SYN2: variants seen among roughly 807,000 people sequenced by gnomAD.
SYN2 encodes the protein synapsin II, also known as synapsin-2.
Under a neutral mutation model 50.9 loss-of-function variants are expected in SYN2, and 19 were observed. The observed-to-expected ratio is 0.37, with a 90% CI of 0.26 to 0.55. The LOEUF (loss-of-function observed/expected upper bound fraction) is 0.55, where lower values mean the gene tolerates loss of function less well. Among genes scored for constraint, SYN2 ranks in the 20% least tolerant of loss-of-function variants. The probability of loss-of-function intolerance (pLI) is 0.81; values close to 1 mark genes in which losing one functional copy is unlikely to be tolerated. For synonymous variants in SYN2, 255 were observed against 224.9 expected (o/e 1.13, Z -1.20); for missense variants, 587 against 576.4 (o/e 1.02, Z -0.19).
intron 1 of SYN2, among the ~76,000 whole-genome samples, chr3:12,119,832 T>C (rs1021135929): frequency 2.0e-5 from 3 of 152,184 alleles, no homozygotes; most frequent in Middle Eastern, 3.2e-3. Flanking sequence ...TTGCTGTCTC[T>C]ATCTGGACCT....
intron 1 of SYN2, among the ~76,000 whole-genome samples, chr3:12,069,205 A>G (rs1177298823): frequency 6.7e-6 from 1 of 150,374 alleles, no homozygotes; most frequent in Non-Finnish European, 1.5e-5. Flanking sequence ...GGCCGTATGA[A>G]TAACGCTGCC....
At chr3:12,146,981 C>G (rs1164885616) in intron 4 of SYN2, among the ~76,000 whole-genome samples, 1 of 152,142 alleles carries the variant, frequency 6.6e-6, no homozygotes, top group Non-Finnish European at 1.5e-5. Flanking sequence ...AGTGAGGCCC[C>G]CTTCCCCCAG....
At chr3:12,139,092 A>AG (rs1696960901) in intron 1 of SYN2, among the ~76,000 whole-genome samples, 1 of 152,076 alleles carries the variant, frequency 6.6e-6, no homozygotes, top group South Asian at 2.1e-4. Flanking sequence ...ATTGGGGCAG[A>AG]GGTGGGGGGT....
At chr3:12,153,182 CT>C (rs1209646018) in intron 5 of SYN2, 1 of 398,778 alleles carries the variant, frequency 2.5e-6, no homozygotes, top group African/African-American at 2.0e-5. Flanking sequence ...CATTTCTCCC[CT>C]ACCAGATCGA....
intron 11 of SYN2, chr3:12,183,635 C>G: frequency 7.0e-7 from 1 of 1,423,962 alleles, no homozygotes; most frequent in South Asian, 1.5e-5. Flanking sequence ...GCTTGTAATG[C>G]TCACTTATGT....
chr3:12,088,436 G>C (rs769122599), intron 1 of SYN2, among the ~76,000 whole-genome samples: 8 of 152,096 alleles, frequency 5.3e-5, no homozygotes, highest in Non-Finnish European at 1.0e-4. Flanking sequence ...TGAAGAAAAA[G>C]GGTGCACTAT....
chr3:12,138,616 G>A (rs1696949869), intron 1 of SYN2, among the ~76,000 whole-genome samples: 3 of 152,176 alleles, frequency 2.0e-5, no homozygotes, highest in African/African-American at 4.8e-5. Context: ...TCAGCCAAAT[G>A]GACCACATTA....
At chr3:12,099,342 T>C (rs977258308) in intron 1 of SYN2, among the ~76,000 whole-genome samples, 4 of 152,132 alleles carry the variant, frequency 2.6e-5, no homozygotes, top group South Asian at 2.1e-4. Context: ...TTTTAAAGGA[T>C]TGAAATCATA....
At chr3:12,082,744 A>T (rs769241238) in intron 1 of SYN2, among the ~76,000 whole-genome samples, 97 of 152,070 alleles carry the variant, frequency 6.4e-4, no homozygotes, top group African/African-American at 1.6e-3. Flanking sequence ...CTTTTTTTAA[A>T]AACTGTGTTA....
intron 5 of SYN2, chr3:12,158,580 A>G: frequency 1.4e-6 from 2 of 1,447,692 alleles, no homozygotes; most frequent in Non-Finnish European, 1.9e-6. Context: ...CAGCCTCAGC[A>G]AGAGACAACC....
At chr3:12,057,558 A>T (rs549601080) in intron 1 of SYN2, among the ~76,000 whole-genome samples, 1 of 152,278 alleles carries the variant, frequency 6.6e-6, no homozygotes, top group Admixed American at 6.5e-5. Flanking sequence ...TGCCTGTAGG[A>T]TGACTAAGAT....
intron 1 of SYN2, among the ~76,000 whole-genome samples, chr3:12,046,347 G>A (rs1018168442): frequency 6.6e-6 from 1 of 152,108 alleles, no homozygotes; most frequent in Non-Finnish European, 1.5e-5. Context: ...AGAACATGAA[G>A]CTTGTGAAAG....
intron 10 of SYN2, among the ~76,000 whole-genome samples, chr3:12,179,150 A>G (rs1298177132): frequency 6.6e-6 from 1 of 152,144 alleles, no homozygotes; most frequent in Non-Finnish European, 1.5e-5. Context: ...CACTAAGCCC[A>G]GTAGATTCAG....
intron 5 of SYN2, chr3:12,154,588 G>T: frequency 1.2e-6 from 1 of 844,038 alleles, no homozygotes; most frequent in Non-Finnish European, 1.8e-6. Flanking sequence ...CTCAGTGAAG[G>T]GACCAATAAA....
chr3:12,103,438 TAGCAATAGATGTCAGTCTAA>T (rs1039280533), intron 1 of SYN2, among the ~76,000 whole-genome samples: 5 of 152,306 alleles, frequency 3.3e-5, no homozygotes, highest in Non-Finnish European at 7.4e-5. Context: ...TTCTGGATTT[TAGCAATAGATGTCAGTCTAA>T]AGGGGGATGA....
At chr3:12,105,730 A>G (rs1199812921) in intron 1 of SYN2, among the ~76,000 whole-genome samples, 1 of 152,026 alleles carries the variant, frequency 6.6e-6, no homozygotes, top group African/African-American at 2.4e-5. Flanking sequence ...AGACACAGGC[A>G]GTTCCCTCTC....
chr3:12,102,664 A>G (rs1696102646), intron 1 of SYN2, among the ~76,000 whole-genome samples: 1 of 152,160 alleles, frequency 6.6e-6, no homozygotes, highest in South Asian at 2.1e-4. Context: ...GGTCTTCAGA[A>G]TAATGTGATA....
intron 3 of SYN2, 41 bp from the exon 4 acceptor site, chr3:12,145,638 A>C: frequency 1.2e-6 from 2 of 1,605,480 alleles, no homozygotes; most frequent in Non-Finnish European, 1.7e-6. Flanking sequence ...TATGGCCTGA[A>C]GTGCTGGTTA....
At chr3:12,078,376 T>A (rs1297752384) in intron 1 of SYN2, among the ~76,000 whole-genome samples, 1 of 151,414 alleles carries the variant, frequency 6.6e-6, no homozygotes, top group Non-Finnish European at 1.5e-5. Context: ...GACATCTTTG[T>A]CTGTGCCTAT....
Sources: gnomAD v4.1 joint callset for allele counts (sites outside exome capture counted in the v4.1 genomes callset) on GRCh38, gnomAD v4.1.1 for gene constraint, MANE v1.5 for transcripts, NCBI Gene and HGNC (gene_info 2026-07-23, HGNC 2026-07-21) for gene names.